Variants in SHISA9 observed in about 807,000 individuals in gnomAD.
SHISA9 encodes the protein shisa family member 9.
SHISA9 carries 13 observed loss-of-function variants against 38.0 expected under a neutral mutation model. The observed-to-expected ratio is 0.34, with a 90% confidence interval of 0.22 to 0.54. SHISA9 has a LOEUF of 0.54. Ranked by LOEUF, SHISA9 falls within the 20% of genes least tolerant of loss-of-function variation. The pLI is 0.91. For missense variants in SHISA9, 538 were observed against 575.8 expected, an observed-to-expected ratio of 0.93 and a Z score of 0.67; for synonymous variants, 275 against 242.0, an observed-to-expected ratio of 1.14 and a Z score of -1.27.
intron 2 of SHISA9, among the ~76,000 whole-genome samples, chr16:13,166,481 C>T (rs182863111): frequency 1.3e-5 from 2 of 152,340 alleles, no homozygotes; most frequent in Admixed American, 1.3e-4. Context: ...CTAGCCACTT[C>T]TTCTAATAAA....
chr16:13,554,639 G>GCC, the SHISA9 span, among the ~76,000 whole-genome samples: 69 of 151,744 alleles, frequency 4.5e-4, no homozygotes, highest in Non-Finnish European at 9.0e-4. Flanking sequence ...TTATAGGCAT[G>GCC]TGCCACCACA....
intron 2 of SHISA9, among the ~76,000 whole-genome samples, chr16:13,118,078 A>T (rs2074048235): frequency 6.6e-6 from 1 of 150,684 alleles, no homozygotes; most frequent in African/African-American, 2.4e-5. Flanking sequence ...GTTACTCAGG[A>T]GGCTGAGGCA....
At chr16:13,069,055 G>A (rs1331434572) in intron 2 of SHISA9, among the ~76,000 whole-genome samples, 1 of 151,920 alleles carries the variant, frequency 6.6e-6, no homozygotes, top group Admixed American at 6.6e-5. Context: ...CATGCAATGT[G>A]TATATGTATG....
At chr16:13,163,960 T>G (rs953792402) in intron 2 of SHISA9, among the ~76,000 whole-genome samples, 15 of 152,216 alleles carry the variant, frequency 9.9e-5, no homozygotes, top group Non-Finnish European at 2.2e-4. Flanking sequence ...CAATATGGAC[T>G]CTGATTCTTT....
intron 2 of SHISA9, among the ~76,000 whole-genome samples, chr16:13,162,738 G>C (rs2050606051): frequency 6.6e-6 from 1 of 152,012 alleles, no homozygotes. Context: ...AAGTGGGAAT[G>C]AATCTTAGCA....
chr16:12,906,382 AG>A (rs1163568487), intron 1 of SHISA9, among the ~76,000 whole-genome samples: 1 of 152,176 alleles, frequency 6.6e-6, no homozygotes, highest in Non-Finnish European at 1.5e-5. Flanking sequence ...GCAGGTTCAG[AG>A]TCCTGGGCCT....
the SHISA9 span, among the ~76,000 whole-genome samples, chr16:13,397,000 A>C: frequency 0.87 from 132,573 of 152,164 alleles, 57,826 homozygotes; most frequent in East Asian, 0.96. Context: ...TCCTGCTTAT[A>C]CTCCTCAACA....
the SHISA9 span, among the ~76,000 whole-genome samples, chr16:13,288,223 A>G: frequency 6.6e-6 from 1 of 152,176 alleles, no homozygotes; most frequent in African/African-American, 2.4e-5. Context: ...CATGTTGGCT[A>G]TTGGTCAGCT....
chr16:13,519,307 TG>T, the SHISA9 span, among the ~76,000 whole-genome samples: 4 of 152,214 alleles, frequency 2.6e-5, no homozygotes, highest in African/African-American at 4.8e-5. Flanking sequence ...TTATTGTAGT[TG>T]AAGCATTCGT....
the SHISA9 span, among the ~76,000 whole-genome samples, chr16:13,426,654 A>G: frequency 1.3e-5 from 2 of 152,230 alleles, no homozygotes; most frequent in Non-Finnish European, 2.9e-5. Context: ...ACAGAACAAT[A>G]CATTAAGAGG....
intron 2 of SHISA9, among the ~76,000 whole-genome samples, chr16:13,093,311 C>T (rs1476935776): frequency 6.6e-6 from 1 of 152,166 alleles, no homozygotes; most frequent in African/African-American, 2.4e-5. Context: ...CCATCTCTGC[C>T]ACTTACTAGT....
At chr16:13,291,591 G>A in the SHISA9 span, among the ~76,000 whole-genome samples, 1 of 152,130 alleles carries the variant, frequency 6.6e-6, no homozygotes, top group African/African-American at 2.4e-5. Flanking sequence ...ATAAGCATGT[G>A]TATGTAGAGC....
At chr16:13,532,432 G>C in the SHISA9 span, among the ~76,000 whole-genome samples, 142 of 152,276 alleles carry the variant, frequency 9.3e-4, 1 homozygote, top group Middle Eastern at 6.8e-3. Flanking sequence ...CCAGAGCAGA[G>C]GTTCCAGACT....
chr16:13,270,780 TAATC>T, the SHISA9 span, among the ~76,000 whole-genome samples: 6 of 152,208 alleles, frequency 3.9e-5, no homozygotes, highest in African/African-American at 1.4e-4. Context: ...TCTGTCTTAT[TAATC>T]AAGATATATG....
chr16:13,485,140 G>A, the SHISA9 span, among the ~76,000 whole-genome samples: 1 of 152,024 alleles, frequency 6.6e-6, no homozygotes, highest in Admixed American at 6.6e-5. Flanking sequence ...CCGTCATCTA[G>A]GTTTAAGCCC....
intron 2 of SHISA9, among the ~76,000 whole-genome samples, chr16:12,975,650 C>T (rs566435327): frequency 0.082 from 672 of 8,184 alleles, 8 homozygotes; most frequent in African/African-American, 0.21. Context: ...TGGGGTGGGA[C>T]GGGGGCGGGG....
intron 2 of SHISA9, among the ~76,000 whole-genome samples, chr16:13,185,695 T>A (rs1026822261): frequency 6.6e-6 from 1 of 152,130 alleles, no homozygotes; most frequent in Admixed American, 6.5e-5. Flanking sequence ...AAGGCAGGAG[T>A]GAGTCTTGTC....
At chr16:13,160,679 GGACCATT>G (rs1306509622) in intron 2 of SHISA9, among the ~76,000 whole-genome samples, 3 of 152,266 alleles carry the variant, frequency 2.0e-5, no homozygotes, top group South Asian at 2.1e-4. Flanking sequence ...GGGCAGGTTG[GGACCATT>G]TTAACACCCC....
At chr16:12,921,134 T>G (rs552657959) in intron 2 of SHISA9, among the ~76,000 whole-genome samples, 2 of 152,368 alleles carry the variant, frequency 1.3e-5, no homozygotes, top group South Asian at 4.1e-4. Flanking sequence ...CATATACCCT[T>G]ACAACCACTC....
Sources: gnomAD v4.1 joint callset for allele counts (sites outside exome capture counted in the v4.1 genomes callset) on GRCh38, gnomAD v4.1.1 for gene constraint, MANE v1.5 for transcripts, NCBI Gene and HGNC (gene_info 2026-07-23, HGNC 2026-07-21) for gene names.